Variants in DNAH7 observed in about 807,000 individuals in gnomAD.
DNAH7 encodes the protein dynein axonemal heavy chain 7.
A neutral mutation model predicts 444.6 loss-of-function variants in DNAH7; 397 were observed. The ratio of observed to expected loss-of-function variants is 0.89; its 90% CI spans 0.82 to 0.97. The LOEUF (loss-of-function observed/expected upper bound fraction) is 0.97. Ranked by LOEUF, DNAH7 falls within the 50% of genes least tolerant of loss-of-function variation. The pLI is 0.00. For missense variants in DNAH7, 4,902 were observed against 4,800.8 expected, an observed-to-expected ratio of 1.02 and a Z score of -0.62; for synonymous variants, 1,636 against 1,624.4, an observed-to-expected ratio of 1.01 and a Z score of -0.17.
Position 195,934,675 on chromosome 2 carries a change from C to G in DNAH7, c.3387G>C (p.Glu1129Asp). 6.8e-6 allele frequency: 11 copies of G among 1,614,112 alleles called. No homozygotes were observed. Among genetic ancestry groups the G allele is most frequent in the Non-Finnish European group, 8.5e-6 (10 of 1,179,980 alleles). The change falls in exon 21 of 65, where the codon GAG becomes GAC. Residue 1129 changes from glutamate (E) to aspartate (D), a missense_variant. Glu to Asp is a conservative substitution (Grantham distance 45). Transcript: ENST00000312428. ...SSEGEVVELI[E>D]IISTAKARGQ... The stretch of plus-strand genomic sequence containing the variant: ...CTCTGGCTTTGGCTGTTGAAATAAT[C>G]TCTATGAGTTCTACAACCTCTCCTT...
At chr2:195,803,281 A>G (rs1342367944) in intron 54 of DNAH7, among the ~76,000 whole-genome samples, 1 of 152,244 alleles carries the variant, frequency 6.6e-6, no homozygotes, top group Non-Finnish European at 1.5e-5. Context: ...TGAATTATAA[A>G]TGGCCTCACT....
Position 195,754,515 on chromosome 2 carries a change from C to G in DNAH7, c.11587-1G>C. On this transcript the variant is annotated splice_acceptor_variant, in intron 62 of 64. Coordinates refer to ENST00000312428, the MANE Select transcript of DNAH7 (RefSeq NM_018897.3). LOFTEE classifies it high-confidence loss of function. ...GAGGAGGACCAACCTCATACCATTG[C>G]TAGGGTGTAAAACACAAGTGGGCTA... is the stretch of plus-strand genomic sequence containing the variant. The G allele has an allele frequency of 6.2e-7, 1 of 1,613,368 alleles. No individual in the cohort carries two copies. Among genetic ancestry groups the G allele is most frequent in the Non-Finnish European group, 8.5e-7 (1 of 1,179,724 alleles).
At chr2:195,954,648 T>C (rs1368773367) in intron 19 of DNAH7, among the ~76,000 whole-genome samples, 1 of 152,186 alleles carries the variant, frequency 6.6e-6, no homozygotes, top group Non-Finnish European at 1.5e-5. Context: ...CCACCAACAG[T>C]GTAAAAGTGT....
intron 21 of DNAH7, among the ~76,000 whole-genome samples, chr2:195,932,770 C>G (rs1039994186): frequency 8.5e-5 from 13 of 152,066 alleles, no homozygotes; most frequent in African/African-American, 2.4e-4. Flanking sequence ...GGATGAAGCC[C>G]ACTTGATTGT....
At chr2:195,982,039 G>A (rs1423546592) in intron 15 of DNAH7, among the ~76,000 whole-genome samples, 2 of 152,134 alleles carry the variant, frequency 1.3e-5, no homozygotes, top group African/African-American at 4.8e-5. Flanking sequence ...CCCAGAGCAC[G>A]GGAGAAAATA....
At chr2:196,036,497 C>T (rs1020781778) in intron 5 of DNAH7, among the ~76,000 whole-genome samples, 3 of 152,150 alleles carry the variant, frequency 2.0e-5, no homozygotes, top group African/African-American at 7.2e-5. Context: ...AGGAGTCTTC[C>T]CCCAAGGTAT....
chr2:195,850,191 A>C (rs1332560973), intron 46 of DNAH7, among the ~76,000 whole-genome samples: 2 of 152,026 alleles, frequency 1.3e-5, no homozygotes, highest in Non-Finnish European at 2.9e-5. Flanking sequence ...ATGAGCATGG[A>C]GGACTCCGAA....
chr2:196,011,520 C>T (rs1694727288), intron 10 of DNAH7, among the ~76,000 whole-genome samples: 1 of 152,004 alleles, frequency 6.6e-6, no homozygotes, highest in South Asian at 2.1e-4. Context: ...TTCCAGAAGT[C>T]TGGAAACCAC....
At chr2:195,844,403 C>A (rs541692620) in intron 47 of DNAH7, among the ~76,000 whole-genome samples, 9 of 152,230 alleles carry the variant, frequency 5.9e-5, no homozygotes, top group Admixed American at 5.9e-4. Flanking sequence ...CAAGATTGTC[C>A]TCACACTGTG....
intron 58 of DNAH7, among the ~76,000 whole-genome samples, chr2:195,782,189 C>G (rs981242048): frequency 6.6e-6 from 1 of 152,150 alleles, no homozygotes; most frequent in Non-Finnish European, 1.5e-5. Flanking sequence ...ACCAATTATT[C>G]TAACTTCATT....
intron 5 of DNAH7, among the ~76,000 whole-genome samples, chr2:196,030,514 C>T (rs113858463): frequency 0.025 from 3,827 of 152,236 alleles, 150 homozygotes; most frequent in African/African-American, 0.086. Flanking sequence ...CAGCATTAAC[C>T]CAAAAGTCCA....
intron 46 of DNAH7, among the ~76,000 whole-genome samples, chr2:195,848,036 G>A (rs187776375): frequency 1.3e-5 from 2 of 152,208 alleles, no homozygotes; most frequent in African/African-American, 4.8e-5. Flanking sequence ...TAACTGGAGA[G>A]AAAGGAGTTA....
chr2:195,941,451 C>CAAAAAAA (rs1207029040), intron 19 of DNAH7, among the ~76,000 whole-genome samples: 8 of 56,764 alleles, frequency 1.4e-4, no homozygotes, highest in African/African-American at 4.3e-4. Context: ...ACCTAGATGA[C>CAAAAAAA]AAAAAAAAAA....
intron 60 of DNAH7, 37 bp from the exon 61 acceptor site, chr2:195,771,927 T>C (rs144309218): frequency 1.9e-6 from 3 of 1,570,466 alleles, no homozygotes; most frequent in Non-Finnish European, 2.6e-6. Context: ...AAAATCCTCA[T>C]AAAGGTCTAA....
chr2:196,064,345 AAATAATAAAT>A (rs1306949663), intron 1 of DNAH7, among the ~76,000 whole-genome samples: 1 of 144,144 alleles, frequency 6.9e-6, no homozygotes, highest in Non-Finnish European at 1.5e-5. Flanking sequence ...ATAAATAAAT[AAATAATAAAT>A]AATAAATAAA....
chr2:196,018,911 C>G (rs1428654127), intron 9 of DNAH7, among the ~76,000 whole-genome samples: 2 of 151,996 alleles, frequency 1.3e-5, no homozygotes, highest in Non-Finnish European at 2.9e-5. Flanking sequence ...CATGCCTCTA[C>G]CAAAATATCT....
At chr2:195,965,227 A>G (rs975085620) in intron 17 of DNAH7, among the ~76,000 whole-genome samples, 3 of 152,268 alleles carry the variant, frequency 2.0e-5, no homozygotes, top group South Asian at 2.1e-4. Flanking sequence ...TGAAATGATC[A>G]TATTATTTTT....
At chr2:196,039,488 C>T (rs1313357520) in intron 5 of DNAH7, among the ~76,000 whole-genome samples, 1 of 151,820 alleles carries the variant, frequency 6.6e-6, no homozygotes, top group African/African-American at 2.4e-5. Context: ...ATAATAAAGA[C>T]CAGAGTAGAA....
chr2:195,789,292 T>C (rs1695766005), intron 57 of DNAH7, among the ~76,000 whole-genome samples: 1 of 151,776 alleles, frequency 6.6e-6, no homozygotes, highest in Non-Finnish European at 1.5e-5. Flanking sequence ...AAATACTTAA[T>C]GTACCATTGA....
Sources: gnomAD v4.1 joint callset for allele counts (sites outside exome capture counted in the v4.1 genomes callset) on GRCh38, gnomAD v4.1.1 for gene constraint, MANE v1.5 for transcripts, NCBI Gene and HGNC (gene_info 2026-07-23, HGNC 2026-07-21) for gene names.